The following SIDT1 variants were observed in gnomAD, a reference collection of about 807,000 sequenced individuals.
SIDT1 encodes the protein SID1 transmembrane family, member 1.
SIDT1 carries 101 observed loss-of-function variants against 107.5 expected under a neutral mutation model. The ratio of observed to expected loss-of-function variants is 0.94; its 90% CI spans 0.80 to 1.11. The LOEUF is 1.11. SIDT1 is among the 50% of genes least tolerant of loss of function. The pLI is 0.00. For missense variants in SIDT1, 1,076 were observed against 1,058.2 expected (o/e 1.02, Z -0.23); for synonymous variants, 395 against 398.2 (o/e 0.99, Z 0.10).
chr3:113,623,191 TTAAAAA>T (rs1183164167), intron 21 of SIDT1, among the ~76,000 whole-genome samples: 28 of 37,926 alleles, frequency 7.4e-4, no homozygotes, highest in Non-Finnish European at 1.0e-3. Context: ...ACCCCAACTC[TTAAAAA>T]AAAAAAAAAA....
the SIDT1 span, among the ~76,000 whole-genome samples, chr3:113,634,811 A>T: frequency 6.6e-6 from 1 of 152,214 alleles, no homozygotes; most frequent in Admixed American, 6.5e-5. Context: ...CTCGAAAAAA[A>T]TACAAAAATT....
intron 1 of SIDT1, among the ~76,000 whole-genome samples, chr3:113,562,281 G>T (rs1941504770): frequency 6.6e-6 from 1 of 152,174 alleles, no homozygotes; most frequent in Non-Finnish European, 1.5e-5. Context: ...AATGTAAAAT[G>T]ATGTAACTCT....
At chr3:113,587,341 C>G (rs1943815671) in intron 9 of SIDT1, among the ~76,000 whole-genome samples, 1 of 152,158 alleles carries the variant, frequency 6.6e-6, no homozygotes, top group Non-Finnish European at 1.5e-5. Context: ...CTTGCAACTT[C>G]TCTGTAAATC....
chr3:113,585,048 C>G, intron 8 of SIDT1, 129 bp from the exon 9 acceptor site: 1 of 710,096 alleles, frequency 1.4e-6, no homozygotes, highest in Non-Finnish European at 2.4e-6. Context: ...AGCAGTTTTG[C>G]TGTGAACAAA....
intron 7 of SIDT1, among the ~76,000 whole-genome samples, chr3:113,583,763 C>T (rs549847420): frequency 2.6e-5 from 4 of 152,322 alleles, no homozygotes; most frequent in Admixed American, 1.3e-4. Flanking sequence ...GATAAGTTCA[C>T]TCGGTTGGCC....
chr3:113,635,994 A>G, the SIDT1 span, among the ~76,000 whole-genome samples: 2 of 152,222 alleles, frequency 1.3e-5, no homozygotes, highest in South Asian at 2.1e-4. Flanking sequence ...AAATGTTTCT[A>G]AGTTTGTCCA....
chr3:113,597,218 T>A (rs533096993), intron 10 of SIDT1, among the ~76,000 whole-genome samples: 7 of 152,264 alleles, frequency 4.6e-5, no homozygotes, highest in South Asian at 4.1e-4. Flanking sequence ...AAATTTTGGC[T>A]GGGCACGATG....
downstream of SIDT1, among the ~76,000 whole-genome samples, chr3:113,632,553 G>A (rs563479483): frequency 3.9e-4 from 60 of 152,104 alleles, no homozygotes; most frequent in African/African-American, 1.4e-3. Context: ...TTTTTGAGGG[G>A]GTGCATTTCC....
chr3:113,549,940 TGGG>T (rs936767029), intron 1 of SIDT1, among the ~76,000 whole-genome samples: 5 of 152,218 alleles, frequency 3.3e-5, no homozygotes, highest in Non-Finnish European at 5.9e-5. Context: ...TCTGTCTAGA[TGGG>T]AGGGATTTTT....
At chr3:113,594,068 C>T (rs532283557) in intron 10 of SIDT1, among the ~76,000 whole-genome samples, 3 of 152,186 alleles carry the variant, frequency 2.0e-5, no homozygotes, top group African/African-American at 7.2e-5. Flanking sequence ...TCATACATAG[C>T]AGATGTTTAG....
chr3:113,605,122 C>CTATTTTTTTT, intron 14 of SIDT1, 146 bp downstream of exon 14: 8 of 306,952 alleles, frequency 2.6e-5, no homozygotes, highest in South Asian at 6.2e-5. Flanking sequence ...CTATTGCTTC[C>CTATTTTTTTT]TCTTTTTTTT....
rs1576983841 is a variant in SIDT1, at chr3:113,620,159, C to T, written c.2090+433C>T. ...ATTTTCATAAAGACTACCCAGTAGG[C>T]CTTCTTTTCTGTAGAAATTTTTCTT... is the stretch of plus-strand genomic sequence containing the variant. On this transcript the variant is annotated intron_variant, in intron 21 of 24. Transcript: ENST00000264852. Among the ~76,000 whole-genome samples, 6 of 150,676 alleles carry T rather than the reference C, an allele frequency of 4.0e-5. 1 individual carries two copies. The highest frequency in any genetic ancestry group is 4.0e-4 in the Admixed American group (6 of 15,090).
At chr3:113,608,360 G>A (rs1194025518) in intron 16 of SIDT1, 59 bp from the exon 17 acceptor site, 1 of 1,530,576 alleles carries the variant, frequency 6.5e-7, no homozygotes, top group Non-Finnish European at 9.0e-7. Context: ...TTCCAGATTA[G>A]TGACTTGGTG....
intron 1 of SIDT1, among the ~76,000 whole-genome samples, chr3:113,563,628 C>A (rs2107319003): frequency 6.6e-6 from 1 of 152,258 alleles, no homozygotes; most frequent in Middle Eastern, 3.4e-3. Flanking sequence ...GAGCTGCTTT[C>A]TTTAACAAAC....
chr3:113,557,673 G>C (rs1941022501), intron 1 of SIDT1, among the ~76,000 whole-genome samples: 1 of 152,202 alleles, frequency 6.6e-6, no homozygotes, highest in South Asian at 2.1e-4. Flanking sequence ...AGGTCTCAGA[G>C]GGAGCATGGC....
rs1406625724 is a variant in SIDT1 at position 113,567,715 on chromosome 3, G to A, written c.515+5G>A. Reference sequence around the variant, plus strand: ...GCTGAAGCACTTCCAGCTCCGGTAAGCGGGACTTTCTCTGTTTACCTGTCT... The same window carrying A: ...GCTGAAGCACTTCCAGCTCCGGTAAACGGGACTTTCTCTGTTTACCTGTCT... On this transcript the variant is annotated splice_donor_5th_base_variant and intron_variant, in intron 3 of 24. Coordinates refer to ENST00000264852, the MANE Select transcript of SIDT1 (RefSeq NM_017699.3). 1.2e-6 allele frequency: 2 copies of A among 1,613,128 alleles called. No individual in the cohort carries two copies. Among genetic ancestry groups the A allele is most frequent in the African/African-American group, 1.3e-5 (1 of 74,902 alleles).
chr3:113,636,280 G>A, the SIDT1 span, among the ~76,000 whole-genome samples: 1 of 152,116 alleles, frequency 6.6e-6, no homozygotes, highest in Admixed American at 6.6e-5. Context: ...GTGCGTGCCT[G>A]TAATACCAGC....
intron 10 of SIDT1, among the ~76,000 whole-genome samples, chr3:113,599,188 T>G (rs1944781381): frequency 6.6e-6 from 1 of 152,118 alleles, no homozygotes; most frequent in Non-Finnish European, 1.5e-5. Flanking sequence ...TGAAAGATAC[T>G]GAGGGGAATG....
chr3:113,556,977 G>A (rs552721077), intron 1 of SIDT1, among the ~76,000 whole-genome samples: 129 of 150,496 alleles, frequency 8.6e-4, no homozygotes, highest in Admixed American at 1.8e-3. Context: ...CCACCACCAC[G>A]CCCAGCTAAT....
Sources: gnomAD v4.1 joint callset for allele counts (sites outside exome capture counted in the v4.1 genomes callset) on GRCh38, gnomAD v4.1.1 for gene constraint, MANE v1.5 for transcripts, NCBI Gene and HGNC (gene_info 2026-07-23, HGNC 2026-07-21) for gene names.